HPSE2: variants seen among roughly 807,000 people sequenced by gnomAD.
The protein encoded by HPSE2 is heparanase 2 (inactive).
Under a neutral mutation model 60.5 loss-of-function variants are expected in HPSE2, and 38 were observed. That is an observed-to-expected ratio of 0.63 (90% CI 0.48 to 0.82). The LOEUF (loss-of-function observed/expected upper bound fraction) is 0.82, where lower values mean the gene tolerates loss of function less well. Among genes scored for constraint, HPSE2 ranks in the 40% least tolerant of loss-of-function variants. The pLI is 0.00. For missense variants in HPSE2, 713 were observed against 740.4 expected (o/e 0.96, Z 0.43); for synonymous variants, 295 against 293.2 (o/e 1.01, Z -0.06).
chr10:98,589,592 C>T (rs561708554), intron 9 of HPSE2, among the ~76,000 whole-genome samples: 8 of 152,200 alleles, frequency 5.3e-5, no homozygotes, highest in African/African-American at 1.4e-4. Flanking sequence ...CCCTCTCATA[C>T]ATGACAGCCT....
intron 6 of HPSE2, among the ~76,000 whole-genome samples, chr10:98,676,907 T>C (rs1018663145): frequency 6.9e-6 from 1 of 144,952 alleles, no homozygotes; most frequent in African/African-American, 2.5e-5. Context: ...TTCTTTCTGT[T>C]CCATTTTCTC....
At chr10:99,183,002 A>G (rs548091236) in intron 2 of HPSE2, among the ~76,000 whole-genome samples, 2 of 152,268 alleles carry the variant, frequency 1.3e-5, no homozygotes, top group Admixed American at 6.5e-5. Context: ...CAAAATACAT[A>G]AAACAACAGT....
At chr10:99,065,488 T>G (rs1030845965) in intron 3 of HPSE2, among the ~76,000 whole-genome samples, 1 of 152,228 alleles carries the variant, frequency 6.6e-6, no homozygotes, top group East Asian at 1.9e-4. Flanking sequence ...TCAATTATTT[T>G]TATTCAACAT....
At chr10:99,286,341 T>C in the HPSE2 span, among the ~76,000 whole-genome samples, 16 of 152,178 alleles carry the variant, frequency 1.1e-4, no homozygotes, top group African/African-American at 3.6e-4. Flanking sequence ...ATCAGATGAA[T>C]GGATAAATAA....
chr10:98,865,456 A>G (rs1952564751), intron 3 of HPSE2, among the ~76,000 whole-genome samples: 1 of 152,088 alleles, frequency 6.6e-6, no homozygotes, highest in African/African-American at 2.4e-5. Context: ...GAGCACTGTA[A>G]TTTTTTCAGT....
chr10:99,186,104 C>CCACACACACACACACACA (rs527839752), intron 2 of HPSE2, among the ~76,000 whole-genome samples: 27 of 80,686 alleles, frequency 3.3e-4, no homozygotes, highest in Non-Finnish European at 5.8e-4. Flanking sequence ...GGATAAATAA[C>CCACACACACACACACACA]CACACACACA....
chr10:99,159,872 G>T (rs1443215354), intron 2 of HPSE2, among the ~76,000 whole-genome samples: 1 of 152,172 alleles, frequency 6.6e-6, no homozygotes, highest in Non-Finnish European at 1.5e-5. Flanking sequence ...CAGGCATGGT[G>T]GCTCACATCT....
At chr10:98,600,779 C>T (rs1945376707) in intron 9 of HPSE2, among the ~76,000 whole-genome samples, 1 of 138,050 alleles carries the variant, frequency 7.2e-6, no homozygotes. Context: ...TATATACATA[C>T]ATAAACATGT....
chr10:98,498,111 T>C (rs1941910977), intron 9 of HPSE2, among the ~76,000 whole-genome samples: 1 of 152,130 alleles, frequency 6.6e-6, no homozygotes, highest in Non-Finnish European at 1.5e-5. Context: ...CAGGACTAGA[T>C]TGCAGCTCCA....
the HPSE2 span, among the ~76,000 whole-genome samples, chr10:99,293,603 A>T: frequency 6.6e-6 from 1 of 152,220 alleles, no homozygotes; most frequent in Non-Finnish European, 1.5e-5. Flanking sequence ...CAAGTGAAAC[A>T]TAACTGATTT....
chr10:99,282,461 C>A, the HPSE2 span, among the ~76,000 whole-genome samples: 1 of 152,074 alleles, frequency 6.6e-6, no homozygotes, highest in African/African-American at 2.4e-5. Context: ...AATAATAGAA[C>A]AACCAAATAG....
chr10:98,922,395 CTCTT>C (rs1435642074), intron 3 of HPSE2, among the ~76,000 whole-genome samples: 1 of 152,186 alleles, frequency 6.6e-6, no homozygotes, highest in Non-Finnish European at 1.5e-5. Flanking sequence ...CTTTTGAACA[CTCTT>C]TCTGTCCTGG....
At chr10:99,305,965 G>GTGCA in the HPSE2 span, among the ~76,000 whole-genome samples, 1 of 63,992 alleles carries the variant, frequency 1.6e-5, no homozygotes, top group African/African-American at 7.9e-5. Context: ...ACACACACGC[G>GTGCA]CGCGCGCGCG....
intron 9 of HPSE2, among the ~76,000 whole-genome samples, chr10:98,606,974 C>T (rs10883150): frequency 0.17 from 25,355 of 151,930 alleles, 2,525 homozygotes; most frequent in African/African-American, 0.28. Flanking sequence ...TTTGTCATAT[C>T]GTGGCATTCA....
chr10:98,564,755 T>C (rs1477643696), intron 9 of HPSE2, among the ~76,000 whole-genome samples: 1 of 152,246 alleles, frequency 6.6e-6, no homozygotes, highest in African/African-American at 2.4e-5. Context: ...GTAGCTGTTC[T>C]AAATCATCTC....
chr10:99,226,500 G>A (rs1021512374), intron 2 of HPSE2, among the ~76,000 whole-genome samples: 8 of 152,004 alleles, frequency 5.3e-5, no homozygotes, highest in African/African-American at 1.7e-4. Flanking sequence ...TTACAGATTT[G>A]GGGAAAGAAT....
rs533894011 is a variant in HPSE2 at position 98,535,469 on chromosome 10, C to T, written c.1321-45273G>A. 4.0e-3 allele frequency among the ~76,000 whole-genome samples: 612 copies of T among 152,190 alleles called. 9 individuals are homozygous for T. The highest frequency in any genetic ancestry group is 0.014 in the African/African-American group (576 of 41,530). ...TGAGGGTGATGCCAAATCATGGACT[C>T]CTCTCTTGCCAGACATTTTTGTGGG... On this transcript the variant is annotated intron_variant, in intron 9 of 11. Transcript: ENST00000370552.
At chr10:99,021,822 CA>C (rs35445914) in intron 3 of HPSE2, among the ~76,000 whole-genome samples, 35,360 of 141,750 alleles carry the variant, frequency 0.25, 4,357 homozygotes, top group South Asian at 0.32. Context: ...CTATCTACAC[CA>C]AAAAAAAAAA....
intron 9 of HPSE2, among the ~76,000 whole-genome samples, chr10:98,581,592 A>G (rs1487033250): frequency 6.6e-6 from 1 of 152,230 alleles, no homozygotes; most frequent in Non-Finnish European, 1.5e-5. Context: ...GATTAAATCC[A>G]TGCAGGCTTA....
Sources: allele counts gnomAD v4.1 joint callset (sites outside exome capture counted in the v4.1 genomes callset), GRCh38; gene constraint gnomAD v4.1.1; transcripts MANE v1.5; gene names NCBI Gene and HGNC (gene_info 2026-07-23, HGNC 2026-07-21).